Variants in ADAMTS3 observed in about 807,000 individuals in gnomAD.
ADAMTS3 encodes the protein A disintegrin and metalloproteinase with thrombospondin motifs 3.
Under a neutral mutation model 129.0 loss-of-function variants are expected in ADAMTS3, and 73 were observed. The observed-to-expected ratio is 0.57, with a 90% CI of 0.47 to 0.69. The LOEUF is 0.69. ADAMTS3 is among the 30% of genes least tolerant of loss of function. The probability of loss-of-function intolerance (pLI) is 0.00; values close to 1 mark genes in which losing one functional copy is unlikely to be tolerated. For synonymous variants in ADAMTS3, 477 were observed against 510.8 expected, an observed-to-expected ratio of 0.93 and a Z score of 0.89; for missense variants, 1,457 against 1,514.5, an observed-to-expected ratio of 0.96 and a Z score of 0.63.
chr4:72,506,752 C>A (rs1720169070), intron 3 of ADAMTS3, among the ~76,000 whole-genome samples: 1 of 152,170 alleles, frequency 6.6e-6, no homozygotes, highest in South Asian at 2.1e-4. Flanking sequence ...GAGGGAGGTT[C>A]TCTGCTTCTC....
At chr4:72,321,184 T>C (rs985511373) in intron 6 of ADAMTS3, among the ~76,000 whole-genome samples, 3 of 152,124 alleles carry the variant, frequency 2.0e-5, no homozygotes, top group African/African-American at 7.2e-5. Context: ...TGGTTTTGTT[T>C]TGTTTGAGAC....
intron 21 of ADAMTS3, among the ~76,000 whole-genome samples, chr4:72,286,680 C>T (rs973944196): frequency 3.9e-5 from 6 of 152,156 alleles, no homozygotes; most frequent in Middle Eastern, 6.4e-3. Flanking sequence ...GTGAAAACAA[C>T]GTCCACAGTT....
chr4:72,474,753 G>A (rs1317737154), intron 3 of ADAMTS3, among the ~76,000 whole-genome samples: 2 of 152,150 alleles, frequency 1.3e-5, no homozygotes, highest in Non-Finnish European at 2.9e-5. Context: ...TAGGCCGGGC[G>A]CTGTGGCTCA....
intron 4 of ADAMTS3, among the ~76,000 whole-genome samples, chr4:72,391,478 A>G (rs945107608): frequency 6.6e-6 from 1 of 152,152 alleles, no homozygotes; most frequent in African/African-American, 2.4e-5. Flanking sequence ...CAGTGAAAGA[A>G]ATTGGTAAGT....
intron 3 of ADAMTS3, among the ~76,000 whole-genome samples, chr4:72,460,036 T>C (rs1718720490): frequency 6.6e-6 from 1 of 151,508 alleles, no homozygotes; most frequent in African/African-American, 2.4e-5. Flanking sequence ...TTTTGGAACA[T>C]ATCAGATTTT....
intron 6 of ADAMTS3, among the ~76,000 whole-genome samples, chr4:72,321,688 T>C (rs1719559192): frequency 6.6e-6 from 1 of 152,158 alleles, no homozygotes; most frequent in Non-Finnish European, 1.5e-5. Context: ...GTGGGGAGAA[T>C]ATGAATTCTT....
chr4:72,486,734 C>T (rs1042074280), intron 3 of ADAMTS3, among the ~76,000 whole-genome samples: 1 of 152,100 alleles, frequency 6.6e-6, no homozygotes, highest in African/African-American at 2.4e-5. Flanking sequence ...GTACTTAATT[C>T]AAGTGAAGAA....
chr4:72,372,882 A>C (rs1721044230), intron 4 of ADAMTS3, among the ~76,000 whole-genome samples: 1 of 152,182 alleles, frequency 6.6e-6, no homozygotes, highest in African/African-American at 2.4e-5. Context: ...TTATCCAAAA[A>C]TTACGGCAAT....
intron 4 of ADAMTS3, among the ~76,000 whole-genome samples, chr4:72,342,648 A>G (rs1720169464): frequency 6.6e-6 from 1 of 152,154 alleles, no homozygotes; most frequent in Admixed American, 6.5e-5. Flanking sequence ...CTGGGATTAT[A>G]GGCGTGAGCC....
chr4:72,464,081 A>C (rs1477614289), intron 3 of ADAMTS3, among the ~76,000 whole-genome samples: 1 of 152,040 alleles, frequency 6.6e-6, no homozygotes, highest in Non-Finnish European at 1.5e-5. Context: ...CAGTTCAAAC[A>C]CTACCACCTT....
At chr4:72,552,680 G>A (rs964633860) in intron 2 of ADAMTS3, among the ~76,000 whole-genome samples, 4 of 152,118 alleles carry the variant, frequency 2.6e-5, no homozygotes, top group African/African-American at 9.7e-5. Flanking sequence ...TGAAGCTGGG[G>A]ATTCTCACAT....
chr4:72,451,604 T>A (rs931604779), intron 3 of ADAMTS3, among the ~76,000 whole-genome samples: 1 of 151,676 alleles, frequency 6.6e-6, no homozygotes, highest in Non-Finnish European at 1.5e-5. Flanking sequence ...GACACAGAAA[T>A]AGACTGACAC....
intron 3 of ADAMTS3, among the ~76,000 whole-genome samples, chr4:72,517,437 T>G (rs1385873270): frequency 2.0e-5 from 3 of 152,092 alleles, no homozygotes; most frequent in Non-Finnish European, 2.9e-5. Flanking sequence ...GTACCTCTGG[T>G]AGAATTCGGC....
chr4:72,540,434 C>T (rs1721291197), intron 3 of ADAMTS3, among the ~76,000 whole-genome samples: 1 of 152,144 alleles, frequency 6.6e-6, no homozygotes, highest in Admixed American at 6.5e-5. Context: ...AATTTGCAGC[C>T]TGACAATGCA....
intron 3 of ADAMTS3, among the ~76,000 whole-genome samples, chr4:72,514,587 G>T (rs926465960): frequency 6.6e-6 from 1 of 152,030 alleles, no homozygotes; most frequent in South Asian, 2.1e-4. Context: ...GCTTTGCCAC[G>T]TACCTGCCTA....
chr4:72,434,996 G>A (rs754127391), intron 3 of ADAMTS3, among the ~76,000 whole-genome samples: 2 of 151,818 alleles, frequency 1.3e-5, no homozygotes, highest in African/African-American at 4.8e-5. Flanking sequence ...CAACCTGAAC[G>A]AACTTGAAAG....
At chr4:72,540,922 T>C (rs1282402087) in intron 3 of ADAMTS3, among the ~76,000 whole-genome samples, 1 of 152,222 alleles carries the variant, frequency 6.6e-6, no homozygotes, top group East Asian at 1.9e-4. Flanking sequence ...GCTAGGGCAG[T>C]GCAGAAGGGA....
At chr4:72,297,026 T>C (rs1022004213) in intron 18 of ADAMTS3, among the ~76,000 whole-genome samples, 4 of 152,156 alleles carry the variant, frequency 2.6e-5, no homozygotes, top group Non-Finnish European at 5.9e-5. Context: ...GAAAGAATGC[T>C]ACATAAAGTG....
At chr4:72,312,173 A>C in intron 13 of ADAMTS3, 118 bp downstream of exon 13, 1 of 1,096,260 alleles carries the variant, frequency 9.1e-7, no homozygotes. Flanking sequence ...TACTCCTATA[A>C]GCACCAAGTT....
Sources: gnomAD v4.1 joint callset for allele counts (sites outside exome capture counted in the v4.1 genomes callset) on GRCh38, gnomAD v4.1.1 for gene constraint, MANE v1.5 for transcripts, NCBI Gene and HGNC (gene_info 2026-07-23, HGNC 2026-07-21) for gene names.